Variants in HRH1 observed in about 807,000 individuals in gnomAD.
HRH1 encodes histamine H1 receptor.
In HRH1, 6 loss-of-function variants were observed where a neutral mutation model predicts 10.3. That is an observed-to-expected ratio of 0.58 (90% CI 0.32 to 1.15). HRH1 has a LOEUF of 1.15. HRH1 is among the 50% of genes most tolerant of loss of function. HRH1 has a pLI of 0.05. For missense variants in HRH1, 514 were observed against 615.3 expected (o/e 0.84, Z 1.74); for synonymous variants, 242 against 236.7 (o/e 1.02, Z -0.21).
rs1020299159 is a variant in HRH1, at chr3:11,262,626, C to A, written c.*2125C>A. On this transcript the variant is annotated 3_prime_UTR_variant, in exon 2 of 2. Coordinates refer to ENST00000431010, the MANE Select transcript of HRH1 (RefSeq NM_001098212.2). ...GTTGCTCCTCAGGGTCCCTCAGGACCAAAGAACACTCGAAAAGAGCACTTC... is the reference window on the plus strand; with the variant it reads ...GTTGCTCCTCAGGGTCCCTCAGGACAAAAGAACACTCGAAAAGAGCACTTC... The A allele has an allele frequency of 2.4e-5, 4 of 166,962 alleles. No homozygotes were observed. Among genetic ancestry groups the A allele is most frequent in the African/African-American group, 7.2e-5 (3 of 41,422 alleles). The allele number at this position is 166,962 out of a possible 1,614,324, so 10.3% of individuals were successfully genotyped here. A position where few individuals can be genotyped will look rare whatever the true frequency, so the allele number is the denominator to read the frequency against.
chr3:11,251,587 T>G (rs1559286127), intron 1 of HRH1, among the ~76,000 whole-genome samples: 1 of 152,160 alleles, frequency 6.6e-6, no homozygotes. Flanking sequence ...TCTTCCGGTT[T>G]GAAAGGGAGT....
chr3:11,181,604 A>G (rs1937354251), intron 1 of HRH1, among the ~76,000 whole-genome samples: 1 of 150,606 alleles, frequency 6.6e-6, no homozygotes, highest in Non-Finnish European at 1.5e-5. Flanking sequence ...TCTTTGAAGA[A>G]ATATCTATTC....
At chr3:11,231,158 G>C (rs1051617059) in intron 1 of HRH1, among the ~76,000 whole-genome samples, 3 of 152,186 alleles carry the variant, frequency 2.0e-5, no homozygotes, top group African/African-American at 7.2e-5. Context: ...ACTCATCCAA[G>C]TTGATGGGAA....
chr3:11,261,995 A>G lies in HRH1; in HGVS notation c.*1494A>G, dbSNP rs942772685. On this transcript the variant is annotated 3_prime_UTR_variant, in exon 2 of 2. Transcript: ENST00000431010. ...TGCACCTACGGAAGGGGACGCTTTG[A>G]AGGAACCAAGTGCATTTTTATCTGT... 9.0e-5 allele frequency: 15 copies of G among 167,098 alleles called. No homozygotes were observed. Among genetic ancestry groups the G allele is most frequent in the African/African-American group, 3.6e-4 (15 of 41,458 alleles). The allele number at this position is 167,098 out of a possible 1,614,324, so 10.4% of individuals were successfully genotyped here.
At chr3:11,219,484 C>G (rs368487650) in intron 1 of HRH1, among the ~76,000 whole-genome samples, 64 of 151,824 alleles carry the variant, frequency 4.2e-4, no homozygotes, top group African/African-American at 1.5e-3. Context: ...GAGGCCGAGG[C>G]GGGCGGAGCA....
At chr3:11,168,857 G>A (rs1486550146) in intron 1 of HRH1, among the ~76,000 whole-genome samples, 1 of 152,216 alleles carries the variant, frequency 6.6e-6, no homozygotes, top group East Asian at 1.9e-4. Context: ...TCTCTGGTTG[G>A]AGATGAAGGG....
At chr3:11,256,798 T>C in intron 1 of HRH1, among the ~76,000 whole-genome samples, 1 of 152,064 alleles carries the variant, frequency 6.6e-6, no homozygotes, top group East Asian at 1.9e-4. Context: ...ACTCCGTCTC[T>C]AAATAAATAA....
At chr3:11,149,039 G>A (rs566555082) in intron 1 of HRH1, among the ~76,000 whole-genome samples, 1 of 152,166 alleles carries the variant, frequency 6.6e-6, no homozygotes, top group South Asian at 2.1e-4. Context: ...GTGTTATGTT[G>A]CTTTGCATGC....
At chr3:11,157,890 T>C (rs1936846517) in intron 1 of HRH1, among the ~76,000 whole-genome samples, 1 of 152,236 alleles carries the variant, frequency 6.6e-6, no homozygotes, top group Non-Finnish European at 1.5e-5. Context: ...AGACATGAGT[T>C]TGAATCTTAG....
At chr3:11,166,153 A>G (rs1009069282) in intron 1 of HRH1, among the ~76,000 whole-genome samples, 2 of 152,120 alleles carry the variant, frequency 1.3e-5, no homozygotes, top group Admixed American at 6.6e-5. Flanking sequence ...TTCTCAGCCC[A>G]CACAAACCCC....
intron 1 of HRH1, among the ~76,000 whole-genome samples, chr3:11,257,298 G>A (rs367688332): frequency 6.7e-6 from 1 of 149,136 alleles, no homozygotes; most frequent in East Asian, 2.0e-4. Context: ...CCTCATGCCT[G>A]TAATCCCAGC....
rs554705309 is a variant in HRH1, at chr3:11,177,218, C to T, written c.-36+22664C>T. On this transcript the variant is annotated intron_variant, in intron 1 of 1. Transcript: ENST00000431010. ...CCCAGGAGTTCAAGACCAGCCTGGACGACAGAGTGAGACCCTATCTCTAAA... is the reference window on the plus strand; with the variant it reads ...CCCAGGAGTTCAAGACCAGCCTGGATGACAGAGTGAGACCCTATCTCTAAA... 1.5e-4 allele frequency among the ~76,000 whole-genome samples: 22 copies of T among 150,874 alleles called. No individual in the cohort carries two copies. In the East Asian group the frequency reaches 3.9e-3, roughly 27 times the overall value.
At chr3:11,170,497 G>A (rs1016841505) in intron 1 of HRH1, among the ~76,000 whole-genome samples, 3 of 152,368 alleles carry the variant, frequency 2.0e-5, no homozygotes, top group East Asian at 1.9e-4. Flanking sequence ...TTGAACCGGC[G>A]GCCTGGTGGG....
intron 1 of HRH1, among the ~76,000 whole-genome samples, chr3:11,145,617 T>A (rs1235558774): frequency 6.6e-6 from 1 of 152,204 alleles, no homozygotes; most frequent in Admixed American, 6.5e-5. Flanking sequence ...AATTTGCATA[T>A]GGTAAAATGT....
At chr3:11,175,697 C>A (rs932898457) in intron 1 of HRH1, among the ~76,000 whole-genome samples, 2 of 152,210 alleles carry the variant, frequency 1.3e-5, no homozygotes, top group Non-Finnish European at 2.9e-5. Context: ...CTGAAGCAGT[C>A]AGATGCCTGT....
chr3:11,248,555 A>C (rs1308636532), intron 1 of HRH1, among the ~76,000 whole-genome samples: 3 of 152,246 alleles, frequency 2.0e-5, no homozygotes, highest in Admixed American at 2.0e-4. Flanking sequence ...TACTTGGCAG[A>C]GTACCCAGCG....
intron 1 of HRH1, among the ~76,000 whole-genome samples, chr3:11,176,860 A>C (rs914870118): frequency 6.6e-6 from 1 of 152,230 alleles, no homozygotes; most frequent in Admixed American, 6.5e-5. Flanking sequence ...TGGGAGGCCA[A>C]GGCAGGTGGA....
At chr3:11,139,472 G>A (rs551847083) in intron 1 of HRH1, among the ~76,000 whole-genome samples, 5 of 152,096 alleles carry the variant, frequency 3.3e-5, no homozygotes, top group Non-Finnish European at 5.9e-5. Context: ...TAGAGACAAG[G>A]TTTCACCGTG....
intron 1 of HRH1, among the ~76,000 whole-genome samples, chr3:11,207,098 A>T (rs1443479215): frequency 6.6e-6 from 1 of 151,602 alleles, no homozygotes; most frequent in Non-Finnish European, 1.5e-5. Context: ...AGTGGCATGG[A>T]GGTGTGAGAT....
Sources: allele counts gnomAD v4.1 joint callset (sites outside exome capture counted in the v4.1 genomes callset), GRCh38; gene constraint gnomAD v4.1.1; transcripts MANE v1.5; gene names NCBI Gene and HGNC (gene_info 2026-07-23, HGNC 2026-07-21).